MAP4K2: variants seen among roughly 807,000 people sequenced by gnomAD.
MAP4K2 encodes the protein mitogen-activated protein kinase kinase kinase kinase 2.
In MAP4K2, 85 loss-of-function variants were observed where a neutral mutation model predicts 125.3. The observed-to-expected ratio is 0.68, with a 90% CI of 0.57 to 0.81. The LOEUF is 0.81. MAP4K2 is among the 40% of genes least tolerant of loss of function. The pLI is 0.00. For synonymous variants in MAP4K2, 479 were observed against 445.1 expected (o/e 1.08, Z -0.96); for missense variants, 923 against 1,056.4 (o/e 0.87, Z 1.75).
intron 24 of MAP4K2, among the ~76,000 whole-genome samples, chr11:64,793,414 G>C (rs1940616802): frequency 6.6e-6 from 1 of 152,174 alleles, no homozygotes; most frequent in Non-Finnish European, 1.5e-5. Flanking sequence ...CAACAGCCCT[G>C]TGGGGCCAGG....
intron 24 of MAP4K2, among the ~76,000 whole-genome samples, chr11:64,793,261 G>A (rs1446905303): frequency 6.6e-6 from 1 of 152,112 alleles, no homozygotes; most frequent in Non-Finnish European, 1.5e-5. Flanking sequence ...TGAGAGCATG[G>A]AGGGGCTGGG....
chr11:64,790,041 G>T (rs1365716262), intron 29 of MAP4K2, 82 bp from the exon 30 acceptor site: 6 of 1,563,476 alleles, frequency 3.8e-6, no homozygotes, highest in Non-Finnish European at 5.3e-6. Context: ...TGGGCCACAG[G>T]GGTCCTCACT....
At chr11:64,802,016 C>A in intron 5 of MAP4K2, 50 bp downstream of exon 5, 1 of 1,574,896 alleles carries the variant, frequency 6.3e-7, no homozygotes, top group Non-Finnish European at 8.6e-7. Context: ...GGGCTCCTGG[C>A]CCACAGCTTC....
intron 12 of MAP4K2, 111 bp downstream of exon 12, chr11:64,799,998 C>G (rs751414032): frequency 2.3e-5 from 22 of 937,464 alleles, no homozygotes; most frequent in Non-Finnish European, 3.3e-5. Context: ...TCAGCTGAGG[C>G]CAGCTCCCTG....
In MAP4K2 at chr11:64,796,285, C is replaced by A. The variant is rs34264803; in HGVS notation, c.1739G>T (p.Arg580Leu). 2 of 1,531,358 alleles carry A rather than the reference C, an allele frequency of 1.3e-6. No homozygotes were observed. Among genetic ancestry groups the A allele is most frequent in the Non-Finnish European group, 1.8e-6 (2 of 1,140,258 alleles). The allele number at this position is 1,531,358 out of a possible 1,614,324, so 94.9% of individuals were successfully genotyped here. A position where few individuals can be genotyped will look rare whatever the true frequency, so the allele number is the denominator to read the frequency against. ...LSIPTNRLTQ[R>L]IIPRRFALST... Reference sequence around the variant, plus strand: ...CAAGATCCCTGACCTGGGGATGATGCGCTGGGTGAGGCGGTTGGTGGGGAT... The same window carrying A: ...CAAGATCCCTGACCTGGGGATGATGAGCTGGGTGAGGCGGTTGGTGGGGAT... Residue 580 changes from arginine (R) to leucine (L), a missense_variant, in exon 24 of 32, where the codon CGC becomes CTC. Coordinates refer to ENST00000294066, the MANE Select transcript of MAP4K2 (RefSeq NM_004579.5).
In MAP4K2 at chr11:64,790,530, GGCCAGGCTACA is replaced by G. The variant is rs71581723; in HGVS notation, c.2093-79_2093-69del. 3.7e-3 allele frequency: 5,469 copies of G among 1,478,396 alleles called. 151 individuals carry two copies. In the African/African-American group the frequency reaches 0.059, roughly 16 times the overall value. 91.6% of individuals were successfully genotyped at this position (1,478,396 alleles called of 1,614,324 possible). A position where few individuals can be genotyped will look rare whatever the true frequency, so the allele number is the denominator to read the frequency against. ...TCCCCCAACCCCAAGAGGATACGGG[GGCCAGGCTACA>G]GACAGCCCTTGGCCATGAGGGCACG... On this transcript the variant is annotated intron_variant, in intron 27 of 31. Coordinates refer to ENST00000294066, the MANE Select transcript of MAP4K2 (RefSeq NM_004579.5).
rs1262142585 is a variant in MAP4K2 at position 64,785,302 on chromosome 11, T to C, written c.*4235A>G. The C allele has an allele frequency of 6.6e-6, 1 of 152,206 alleles. No individual in the cohort carries two copies. Among genetic ancestry groups the C allele is most frequent in the East Asian group, 1.9e-4 (1 of 5,196 alleles). 9.4% of individuals were successfully genotyped at this position (152,206 alleles called of 1,614,324 possible). On this transcript the variant is annotated 3_prime_UTR_variant, in exon 32 of 32. Coordinates refer to ENST00000294066, the MANE Select transcript of MAP4K2 (RefSeq NM_004579.5). The stretch of plus-strand genomic sequence containing the variant: ...ATGGTGATTATCTTGATTGTGGAAA[T>C]AGCTTCACGGGTGTACACGTATGTC...
rs576790355 is a variant in MAP4K2, at chr11:64,788,606, C to T, written c.*931G>A. Reference sequence around the variant, plus strand: ...CCCAGGGCCTGGCACTGAGGCAGCCCTTGGGAGTCTGGTAGACGGACACAG... The same window carrying T: ...CCCAGGGCCTGGCACTGAGGCAGCCTTTGGGAGTCTGGTAGACGGACACAG... On this transcript the variant is annotated 3_prime_UTR_variant, in exon 32 of 32. Transcript: ENST00000294066. 2.0e-5 allele frequency: 3 copies of T among 152,306 alleles called. No individual in the cohort carries two copies. Among genetic ancestry groups the T allele is most frequent in the Admixed American group, 6.5e-5 (1 of 15,306 alleles). 9.4% of individuals were successfully genotyped at this position (152,306 alleles called of 1,614,324 possible).
chr11:64,789,777 C>T lies in MAP4K2; in HGVS notation c.2328G>A (p.Gln776=). Residue 776 remains glutamine (Q), a synonymous_variant, in exon 31 of 32, where the codon CAG becomes CAA. Coordinates refer to ENST00000294066, the MANE Select transcript of MAP4K2 (RefSeq NM_004579.5). ...AGATCCTTGTTTCATCTGTGATCTCCTGGGTCACCTGGGAAGACAGGTGGG... is the reference window on the plus strand; with the variant it reads ...AGATCCTTGTTTCATCTGTGATCTCTTGGGTCACCTGGGAAGACAGGTGGG... ...GRSLDTNEVT[Q]EITDETRIFR... 6.2e-7 allele frequency: 1 copy of T among 1,614,154 alleles called. No individual in the cohort carries two copies. The highest frequency in any genetic ancestry group is 8.5e-7 in the Non-Finnish European group (1 of 1,180,006).
intron 27 of MAP4K2, 91 bp from the exon 28 acceptor site, chr11:64,790,553 GC>G: frequency 8.3e-7 from 1 of 1,211,146 alleles, no homozygotes; most frequent in Non-Finnish European, 1.2e-6. Context: ...ACAGCCCTTG[GC>G]CATGAGGGCA....
At position 64,785,078 on chromosome 11, in the gene MAP4K2, C is replaced by CG. The variant is rs1396371476; in HGVS notation, c.*4458dup. 3 of 152,186 alleles carry CG rather than the reference C, an allele frequency of 2.0e-5. No individual in the cohort carries two copies. The highest frequency in any genetic ancestry group is 4.4e-5 in the Non-Finnish European group (3 of 68,048). 9.4% of individuals were successfully genotyped at this position (152,186 alleles called of 1,614,324 possible). Reference sequence around the variant, plus strand: ...ATTAATGCATGCAACAGGGATGACTCGCAAATCCTTATGCTCAGCTAAGCA... The same window carrying CG: ...ATTAATGCATGCAACAGGGATGACTCGGCAAATCCTTATGCTCAGCTAAGCA... On this transcript the variant is annotated 3_prime_UTR_variant, in exon 32 of 32. Transcript: ENST00000294066.
rs1261499254 is a variant in MAP4K2 at position 64,788,518 on chromosome 11, C to T, written c.*1019G>A. The T allele has an allele frequency of 6.6e-6, 1 of 152,314 alleles. No homozygotes were observed. The highest frequency in any genetic ancestry group is 1.5e-5 in the Non-Finnish European group (1 of 68,126). 9.4% of individuals were successfully genotyped at this position (152,314 alleles called of 1,614,324 possible). On this transcript the variant is annotated 3_prime_UTR_variant, in exon 32 of 32. Coordinates refer to ENST00000294066, the MANE Select transcript of MAP4K2 (RefSeq NM_004579.5). ...AGCTACAGGAGAATGGCCATGCCCT[C>T]AAGATGCAGGCTCCAGCAAGGAGGA...
At chr11:64,797,703 C>CTATTTTTT (rs1940905978) in intron 15 of MAP4K2, 39 bp from the exon 16 acceptor site, 5 of 1,094,406 alleles carry the variant, frequency 4.6e-6, no homozygotes, top group African/African-American at 2.0e-5. Flanking sequence ...TCAACCTTTC[C>CTATTTTTT]TTTTTTTTTT....
intron 27 of MAP4K2, among the ~76,000 whole-genome samples, chr11:64,791,052 C>T (rs763499787): frequency 2.2e-4 from 34 of 152,236 alleles, no homozygotes; most frequent in Non-Finnish European, 4.1e-4. Context: ...AAGAGAATAG[C>T]TTGAACCCAC....
Position 64,789,594 on chromosome 11 carries a change from G to A in MAP4K2, c.2406C>T (p.Asp802=), listed in dbSNP as rs748588849. ...AGAGGTTGCTGTGCGCCTCTGGGTT[G>A]TCAGTGGGAATGCTCTCCAGGATGA... ...RDIILESIPT[D]NPEAHSNLYI... Residue 802 remains aspartate (D), a synonymous_variant, in exon 32 of 32, where the codon GAC becomes GAT. Coordinates refer to ENST00000294066, the MANE Select transcript of MAP4K2 (RefSeq NM_004579.5). 3.1e-6 allele frequency: 5 copies of A among 1,607,252 alleles called. No homozygotes were observed. Among genetic ancestry groups the A allele is most frequent in the East Asian group, 2.2e-5 (1 of 44,720 alleles).
intron 23 of MAP4K2, 23 bp from the exon 24 acceptor site, chr11:64,796,413 G>A (rs1343187700): frequency 6.2e-7 from 1 of 1,613,398 alleles, no homozygotes; most frequent in African/African-American, 1.3e-5. Context: ...GAAGAGGCCA[G>A]GCCTGGGGTG....
At chr11:64,802,315 TG>T in intron 4 of MAP4K2, 103 bp downstream of exon 4, 1 of 1,259,866 alleles carries the variant, frequency 7.9e-7, no homozygotes, top group Non-Finnish European at 1.1e-6. Flanking sequence ...CAGGCAGGAG[TG>T]GAGAGGAGCC....
chr11:64,799,296 G>A, intron 14 of MAP4K2, 125 bp downstream of exon 14: 1 of 1,191,990 alleles, frequency 8.4e-7, no homozygotes, highest in Non-Finnish European at 1.2e-6. Flanking sequence ...TGCTTGGACA[G>A]TCTAAGGCCC....
Position 64,789,505 on chromosome 11 carries a change from G to C in MAP4K2, c.*32C>G. On this transcript the variant is annotated 3_prime_UTR_variant, in exon 32 of 32. Transcript: ENST00000294066. Reference sequence around the variant, plus strand: ...GGGCCTGCAGCTAAGGCGTGGGGTGGGGCGGGGAGCCCCTGGACAGGCCCG... The same window carrying C: ...GGGCCTGCAGCTAAGGCGTGGGGTGCGGCGGGGAGCCCCTGGACAGGCCCG... The C allele has an allele frequency of 6.5e-7, 1 of 1,549,332 alleles. No individual in the cohort carries two copies. The highest frequency in any genetic ancestry group is 8.7e-7 in the Non-Finnish European group (1 of 1,143,446).
Sources: gnomAD v4.1 joint callset for allele counts (sites outside exome capture counted in the v4.1 genomes callset) on GRCh38, gnomAD v4.1.1 for gene constraint, MANE v1.5 for transcripts, NCBI Gene and HGNC (gene_info 2026-07-23, HGNC 2026-07-21) for gene names.